Variants in H4C15 observed in about 807,000 individuals in gnomAD.
H4C15 encodes the protein histone H4.
At chr1:149,847,553 A>T in the H4C15 span, 1 of 152,324 alleles carries the variant, frequency 6.6e-6, no homozygotes, top group Non-Finnish European at 1.5e-5. Context: ...TCACATCTGT[A>T]ATCCCAGCAC....
downstream of H4C15, among the ~76,000 whole-genome samples, chr1:149,855,397 G>GTGTA (rs1285296859): frequency 6.8e-6 from 1 of 146,670 alleles, no homozygotes; most frequent in Non-Finnish European, 1.5e-5. Flanking sequence ...GTGTGTGTGT[G>GTGTA]TGTGTGTGTG....
At chr1:149,848,595 C>G in the H4C15 span, 1 of 152,196 alleles carries the variant, frequency 6.6e-6, no homozygotes, top group Non-Finnish European at 1.5e-5. Context: ...CAGTTCACTT[C>G]CTGAAATGTT....
chr1:149,847,023 A>T, the H4C15 span: 1 of 152,140 alleles, frequency 6.6e-6, no homozygotes, highest in African/African-American at 2.4e-5. Context: ...ACCTTAAGGG[A>T]GGGTCTATTT....
At chr1:149,850,943 T>A, downstream of H4C15, 14 of 44,568 alleles carry the variant, frequency 3.1e-4, no homozygotes, top group Middle Eastern at 8.2e-3. Context: ...TGTAAATGAG[T>A]GGATTCTGGC....
chr1:149,850,259 G>C, downstream of H4C15: 3 of 1,193,254 alleles, frequency 2.5e-6, no homozygotes, highest in Non-Finnish European at 3.6e-6. Context: ...CATCAACTGG[G>C]ACTGACAACA....
downstream of H4C15, among the ~76,000 whole-genome samples, chr1:149,849,315 A>C (rs1553757415): frequency 6.6e-6 from 1 of 152,244 alleles, no homozygotes; most frequent in East Asian, 1.9e-4. Context: ...TTTCATTTTT[A>C]GTAACTTCAA....
downstream of H4C15, chr1:149,850,160 C>G (rs2092168464): frequency 1.6e-6 from 1 of 616,548 alleles, no homozygotes; most frequent in Non-Finnish European, 2.9e-6. Context: ...TGTAAGCTTA[C>G]TTATAGCAAT....
chr1:149,846,338 G>T, the H4C15 span: 3 of 152,074 alleles, frequency 2.0e-5, no homozygotes, highest in African/African-American at 7.2e-5. Flanking sequence ...ATGACCAATG[G>T]ATATCATTCA....
the H4C15 span, chr1:149,848,964 CTG>C: frequency 6.6e-6 from 1 of 152,210 alleles, no homozygotes; most frequent in African/African-American, 2.4e-5. Context: ...ATCTCTCAAA[CTG>C]TCAACTGCAC....
the H4C15 span, chr1:149,848,955 T>G: frequency 6.6e-6 from 1 of 152,178 alleles, no homozygotes; most frequent in Admixed American, 6.5e-5. Context: ...CCTAGATGCA[T>G]CTCTCAAACT....
chr1:149,855,310 T>C (rs1237132756), downstream of H4C15, among the ~76,000 whole-genome samples: 2 of 122,658 alleles, frequency 1.6e-5, no homozygotes, highest in African/African-American at 6.0e-5. Flanking sequence ...AAGTCCACTC[T>C]GAATCTGTGG....
chr1:149,850,137 C>T (rs763242185), downstream of H4C15: 5 of 552,056 alleles, frequency 9.1e-6, no homozygotes, highest in Admixed American at 3.0e-5. Context: ...AGTAAGATAC[C>T]ACTATCAATC....
At chr1:149,850,198 G>C (rs868970053), downstream of H4C15, 7 of 722,898 alleles carry the variant, frequency 9.7e-6, no homozygotes, top group African/African-American at 3.5e-5. Flanking sequence ...ATAGTTATCT[G>C]TGCTTGGTGT....
the H4C15 span, chr1:149,848,990 T>A: frequency 6.6e-6 from 1 of 152,204 alleles, no homozygotes; most frequent in Non-Finnish European, 1.5e-5. Flanking sequence ...TCCACTTGAA[T>A]AGCAAAGAGC....
At chr1:149,844,869 A>G in the H4C15 span, 213 of 152,026 alleles carry the variant, frequency 1.4e-3, 1 homozygote, top group African/African-American at 4.5e-3. Flanking sequence ...TTTTACACAT[A>G]CCTTATATGG....
At chr1:149,847,704 C>G in the H4C15 span, 1 of 152,272 alleles carries the variant, frequency 6.6e-6, no homozygotes, top group African/African-American at 2.4e-5. Context: ...ACTCGGGAGG[C>G]TGAGGCAGGA....
At chr1:149,849,517 A>G (rs2092161496), downstream of H4C15, among the ~76,000 whole-genome samples, 1 of 152,196 alleles carries the variant, frequency 6.6e-6, no homozygotes, top group African/African-American at 2.4e-5. Context: ...GTGTTCCCAA[A>G]GCAGAAAACA....
downstream of H4C15, chr1:149,850,274 A>G: frequency 1.5e-6 from 2 of 1,336,130 alleles, no homozygotes; most frequent in Non-Finnish European, 2.1e-6. Flanking sequence ...ACAACACAAG[A>G]AAGATTCTTT....
chr1:149,845,872 G>T, the H4C15 span: 2 of 152,202 alleles, frequency 1.3e-5, no homozygotes, highest in Non-Finnish European at 1.5e-5. Context: ...CTGAGCACTT[G>T]AAAAGAGCTG....
Sources: allele counts gnomAD v4.1 joint callset (sites outside exome capture counted in the v4.1 genomes callset), GRCh38; gene constraint gnomAD v4.1.1; transcripts MANE v1.5; gene names NCBI Gene and HGNC (gene_info 2026-07-23, HGNC 2026-07-21).